The following EIF2AK4 variants were observed in gnomAD, a reference collection of about 807,000 sequenced individuals.
EIF2AK4 encodes eIF-2-alpha kinase GCN2.
Under a neutral mutation model 211.1 loss-of-function variants are expected in EIF2AK4, and 139 were observed. The observed-to-expected ratio is 0.66, with a 90% CI of 0.57 to 0.76. The LOEUF (loss-of-function observed/expected upper bound fraction) is 0.76, where lower values mean the gene tolerates loss of function less well. Ranked by LOEUF, EIF2AK4 falls within the 30% of genes least tolerant of loss-of-function variation. The pLI, the probability that EIF2AK4 is intolerant of heterozygous loss-of-function variation, is 0.00. For missense variants in EIF2AK4, 1,664 were observed against 2,043.8 expected (o/e 0.81, Z 3.58); for synonymous variants, 710 against 751.3 (o/e 0.94, Z 0.90).
chr15:40,024,834 C>T (rs2035444983), intron 32 of EIF2AK4, among the ~76,000 whole-genome samples: 1 of 151,646 alleles, frequency 6.6e-6, no homozygotes, highest in Non-Finnish European at 1.5e-5. Context: ...TCAAGTGATC[C>T]TCCCACCTCA....
At chr15:40,023,345 C>G (rs993644427) in intron 32 of EIF2AK4, among the ~76,000 whole-genome samples, 1 of 152,056 alleles carries the variant, frequency 6.6e-6, no homozygotes, top group Non-Finnish European at 1.5e-5. Context: ...TTTTTCTCTT[C>G]TAATTTTTTT....
In EIF2AK4 at chr15:40,017,135, A is replaced by G. The variant is rs765272008; in HGVS notation, c.3958A>G (p.Lys1320Glu). The change falls in exon 29 of 39, where the codon AAG becomes GAG. Residue 1320 changes from lysine to glutamate, a missense_variant. Transcript: ENST00000263791. ...QVLINLGLVY[K>E]VQQHNGIIFQ... ...CTTGATCAATTTGGGCTTGGTTTAC[A>G]AGGTGCAGCAGCACAATGGAATCAT... 3.7e-6 allele frequency: 6 copies of G among 1,613,758 alleles called. No homozygotes were observed. The highest frequency in any genetic ancestry group is 5.1e-6 in the Non-Finnish European group (6 of 1,179,682).
At chr15:39,938,291 G>A (rs952226115) in intron 1 of EIF2AK4, among the ~76,000 whole-genome samples, 1 of 152,192 alleles carries the variant, frequency 6.6e-6, no homozygotes, top group African/African-American at 2.4e-5. Context: ...TGAAAGACCT[G>A]TGGACCAAAG....
chr15:39,973,925 A>T, intron 11 of EIF2AK4, 176 bp downstream of exon 11: 1 of 615,828 alleles, frequency 1.6e-6, no homozygotes, highest in Non-Finnish European at 2.7e-6. Flanking sequence ...GTTACGCTGG[A>T]CACAGTTGAG....
Position 39,973,016 on chromosome 15 carries a change from T to C in EIF2AK4, c.1660+2T>C. On this transcript the variant is annotated splice_donor_variant, in intron 10 of 38. Transcript: ENST00000263791. LOFTEE classifies it high-confidence loss of function. ...CTCTAGTGGAACAAAGTCCTGAAGG[T>C]GAGTCTGTTACCTTTCTTTATTTGG... 6.2e-7 allele frequency: 1 copy of C among 1,611,984 alleles called. No homozygotes were observed. Among genetic ancestry groups the C allele is most frequent in the South Asian group, 1.1e-5 (1 of 91,052 alleles).
In EIF2AK4 at chr15:39,976,806, C is replaced by G; in HGVS notation, c.2211C>G (p.Asp737Glu). Residue 737 changes from aspartate to glutamate, a missense_variant, in exon 12 of 39, where the codon GAC (aspartate) becomes GAG (glutamate). Physicochemically the swap from Asp to Glu is conservative, Grantham distance 45. This residue lies in a region of EIF2AK4 where 206 missense variants were observed against 201.9 expected (regional missense o/e 1.02). Coordinates refer to ENST00000263791, the MANE Select transcript of EIF2AK4 (RefSeq NM_001013703.4). Reference sequence around the variant, plus strand: ...GCTCCAGCGATGACGAGGACGACGACGAGGACGAGCACGGTGGCGTCTTCT... The same window carrying G: ...GCTCCAGCGATGACGAGGACGACGAGGAGGACGAGCACGGTGGCGTCTTCT... Reference protein sequence around the residue: ...GPGSSDDEDDDEDEHGGVFSQ... With the variant: ...GPGSSDDEDDEEDEHGGVFSQ... 1 of 1,571,436 alleles carries G rather than the reference C, an allele frequency of 6.4e-7. No homozygotes were observed. Among genetic ancestry groups the G allele is most frequent in the East Asian group, 2.3e-5 (1 of 42,580 alleles).
chr15:39,955,882 T>C, intron 6 of EIF2AK4, 114 bp downstream of exon 6: 1 of 1,160,642 alleles, frequency 8.6e-7, no homozygotes, highest in Non-Finnish European at 1.2e-6. Context: ...AATAACTTTT[T>C]TCAAACCTTA....
intron 13 of EIF2AK4, among the ~76,000 whole-genome samples, chr15:39,978,854 A>C: frequency 6.6e-6 from 1 of 152,242 alleles, no homozygotes; most frequent in East Asian, 1.9e-4. Flanking sequence ...AAAACAAAGC[A>C]AACTTCAGTC....
At chr15:40,007,126 A>T (rs2035172752) in intron 24 of EIF2AK4, 61 bp downstream of exon 24, 1 of 1,375,886 alleles carries the variant, frequency 7.3e-7, no homozygotes, top group Non-Finnish European at 1.0e-6. Flanking sequence ...TAATTTGTCA[A>T]CCAGGAAAGA....
At chr15:39,958,821 T>G (rs1277512633) in intron 6 of EIF2AK4, among the ~76,000 whole-genome samples, 2 of 152,168 alleles carry the variant, frequency 1.3e-5, no homozygotes, top group Non-Finnish European at 2.9e-5. Flanking sequence ...TTGATCATAA[T>G]GGTAGAGCAA....
intron 4 of EIF2AK4, chr15:39,951,349 C>A (rs371202217): frequency 2.7e-4 from 55 of 206,106 alleles, no homozygotes; most frequent in Middle Eastern, 1.9e-3. Context: ...AGCCACCACG[C>A]CCGACCCACA....
In EIF2AK4 at chr15:39,982,644, C is replaced by T. The variant is rs1052856669; in HGVS notation, c.2320-3161C>T. ...CATGTGCCATGGTGGTTGCTGCACC[C>T]ATTAACTTGTCATCTACATTAGGTA... On this transcript the variant is annotated intron_variant, in intron 13 of 38. Coordinates refer to ENST00000263791, the MANE Select transcript of EIF2AK4 (RefSeq NM_001013703.4). Among the ~76,000 whole-genome samples the T allele has an allele frequency of 2.0e-5, 3 of 152,036 alleles. No homozygotes were observed. In the East Asian group the frequency reaches 5.8e-4, roughly 29 times the overall value.
intron 23 of EIF2AK4, among the ~76,000 whole-genome samples, chr15:40,003,718 C>T (rs1303508561): frequency 6.6e-6 from 1 of 152,224 alleles, no homozygotes; most frequent in Non-Finnish European, 1.5e-5. Context: ...ATTCTTCTAA[C>T]AGCAAGTGTC....
Position 39,976,668 on chromosome 15 carries a change from C to A in EIF2AK4, c.2073C>A (p.Asp691Glu), listed in dbSNP as rs1444182685. 4.4e-6 allele frequency: 7 copies of A among 1,604,242 alleles called. No homozygotes were observed. Among genetic ancestry groups the A allele is most frequent in the Admixed American group, 1.7e-5 (1 of 59,660 alleles). The change falls in exon 12 of 39, where the codon GAC (aspartate) becomes GAA (glutamate). Residue 691 changes from aspartate to glutamate, a missense_variant. Around this residue, in one of 7 missense-constraint regions of EIF2AK4, gnomAD observed 206 missense variants for 201.9 expected, o/e 1.02. Transcript: ENST00000263791. ...GCGGGCAGCCGGCGAGCGACACAGACGGCCTGGACAGCGTAGAGGCCGCCG... is the reference window on the plus strand; with the variant it reads ...GCGGGCAGCCGGCGAGCGACACAGAAGGCCTGGACAGCGTAGAGGCCGCCG... The part of the protein sequence containing the change: ...AARGQPASDT[D>E]GLDSVEAAAP...
intron 27 of EIF2AK4, among the ~76,000 whole-genome samples, chr15:40,014,770 T>A (rs1044836981): frequency 6.6e-6 from 1 of 152,242 alleles, no homozygotes; most frequent in Non-Finnish European, 1.5e-5. Context: ...AGAATGGGGT[T>A]TTCTTTCCTG....
intron 32 of EIF2AK4, among the ~76,000 whole-genome samples, chr15:40,023,363 C>T (rs937589073): frequency 2.6e-5 from 4 of 151,436 alleles, no homozygotes; most frequent in African/African-American, 4.8e-5. Context: ...TTTTTGGTTT[C>T]GATATCAGGG....
Position 39,937,724 on chromosome 15 carries a change from T to C in EIF2AK4, c.145-1781T>C, listed in dbSNP as rs534067599. ...TCAAATAAAGATATAAGTAGGTTTT[T>C]TTTTTTAAGTTCTTCGTTCCATCAA... On this transcript the variant is annotated intron_variant, in intron 1 of 38. Transcript: ENST00000263791. Among the ~76,000 whole-genome samples, 66 of 152,350 alleles carry C rather than the reference T, an allele frequency of 4.3e-4. 1 individual carries two copies. Among genetic ancestry groups the C allele is most frequent in the African/African-American group, 1.5e-3 (64 of 41,588 alleles).
chr15:40,024,809 A>G (rs111551698), intron 32 of EIF2AK4, among the ~76,000 whole-genome samples: 2,031 of 145,786 alleles, frequency 0.014, 45 homozygotes, highest in African/African-American at 0.05. Context: ...GCTTACTGGA[A>G]CCTGTCTCCC....
chr15:39,947,198 G>A (rs1477579650), intron 3 of EIF2AK4, among the ~76,000 whole-genome samples: 1 of 152,000 alleles, frequency 6.6e-6, no homozygotes, highest in Non-Finnish European at 1.5e-5. Flanking sequence ...CTGGAGTACT[G>A]GAAAGTCTAA....
Sources: gnomAD v4.1 joint callset for allele counts (sites outside exome capture counted in the v4.1 genomes callset) on GRCh38, gnomAD v4.1.1 for gene constraint, gnomAD v4.1.1 regional missense constraint, MANE v1.5 for transcripts, NCBI Gene and HGNC (gene_info 2026-07-23, HGNC 2026-07-21) for gene names.